The following NEBL variants were observed in gnomAD, a reference collection of about 807,000 sequenced individuals.
The protein encoded by NEBL is LIM and SH3 protein 2.
In NEBL, 122 loss-of-function variants were observed where a neutral mutation model predicts 140.2. The ratio of observed to expected loss-of-function variants is 0.87; its 90% CI spans 0.75 to 1.01. NEBL has a LOEUF of 1.01. Ranked by LOEUF, NEBL falls within the 50% of genes least tolerant of loss-of-function variation. The pLI, the probability that NEBL is intolerant of heterozygous loss-of-function variation, is 0.00. For synonymous variants in NEBL, 436 were observed against 398.9 expected (o/e 1.09, Z -1.11); for missense variants, 1,365 against 1,231.3 (o/e 1.11, Z -1.62).
chr10:21,267,033 G>A lies in NEBL; in HGVS notation n.183-15205C>T, dbSNP rs940711036. On this transcript the variant is annotated intron_variant and non_coding_transcript_variant, in intron 1 of 8. Coordinates refer to the NEBL transcript ENST00000675702. The stretch of plus-strand genomic sequence containing the variant: ...TCTGTCACTCAGACTGGAGTGCAAC[G>A]GCGCGATCTCGGCTCACTGCAACCT... Among the ~76,000 whole-genome samples the A allele has an allele frequency of 4.6e-5, 7 of 151,938 alleles. No homozygotes were observed. The East Asian group carries it at 5.8e-4, about 13-fold the overall frequency.
chr10:20,841,808 T>C (rs1262994933), intron 12 of NEBL, among the ~76,000 whole-genome samples: 1 of 152,132 alleles, frequency 6.6e-6, no homozygotes, highest in Non-Finnish European at 1.5e-5. Context: ...CTGTTTTCTC[T>C]ATTGGCTTTG....
In NEBL at chr10:20,823,376, A is replaced by G. The variant is rs964303112; in HGVS notation, c.1870-76T>C. On this transcript the variant is annotated intron_variant, in intron 18 of 27. Transcript: ENST00000377122. ...AAAATATTGAGAATTCTTCAATTGT[A>G]ACTATTGCATAATTGAATTTTATTA... The G allele has an allele frequency of 1.1e-5, 12 of 1,068,794 alleles. No individual in the cohort carries two copies. In the Middle Eastern group the frequency reaches 9.2e-4, roughly 82 times the overall value. 66.2% of individuals were successfully genotyped at this position (1,068,794 alleles called of 1,614,324 possible).
At chr10:21,096,226 G>A (rs1476109112) in intron 2 of NEBL, among the ~76,000 whole-genome samples, 5 of 152,048 alleles carry the variant, frequency 3.3e-5, no homozygotes, top group African/African-American at 4.8e-5. Flanking sequence ...TAGGATCCTC[G>A]TCCTTCCCTC....
intron 9 of NEBL, among the ~76,000 whole-genome samples, chr10:20,854,636 C>T (rs2131094541): frequency 7.3e-6 from 1 of 137,780 alleles, no homozygotes; most frequent in Admixed American, 8.0e-5. Context: ...GGGATCATGG[C>T]TCACTGCAGC....
Position 21,169,063 on chromosome 10 carries a change from AAAAAATATATATAT to A in NEBL, c.164+3306_164+3319del, listed in dbSNP as rs1414571389. 4.6e-3 allele frequency among the ~76,000 whole-genome samples: 164 copies of A among 35,306 alleles called. 3 individuals are homozygous for A. The highest frequency in any genetic ancestry group is 0.013 in the African/African-American group (149 of 11,474). The allele number at this position is 35,306 out of a possible 152,430, so 23.2% of individuals were successfully genotyped here. A position where few individuals can be genotyped will look rare whatever the true frequency, so the allele number is the denominator to read the frequency against. ...GACTCCGTCTACAAAAAAAAAAAAA[AAAAAATATATATAT>A]ATATATATATATATATATATATATA... On this transcript the variant is annotated intron_variant, in intron 2 of 6. Coordinates refer to the NEBL transcript ENST00000417816.
At chr10:21,040,192 C>A (rs549844589) in intron 2 of NEBL, among the ~76,000 whole-genome samples, 63 of 152,126 alleles carry the variant, frequency 4.1e-4, no homozygotes, top group African/African-American at 1.3e-3. Flanking sequence ...ATGATGAAAC[C>A]CCGTCTCTAC....
chr10:21,002,018 T>C (rs992934704), intron 3 of NEBL, among the ~76,000 whole-genome samples: 1 of 152,202 alleles, frequency 6.6e-6, no homozygotes, highest in Non-Finnish European at 1.5e-5. Flanking sequence ...TAAGGTGATT[T>C]GTTAGTTAGT....
At chr10:20,982,645 C>T (rs183304834) in intron 3 of NEBL, among the ~76,000 whole-genome samples, 10 of 152,272 alleles carry the variant, frequency 6.6e-5, no homozygotes, top group African/African-American at 2.4e-4. Flanking sequence ...AACTGACAAG[C>T]ATCTTACTTA....
intron 4 of NEBL, among the ~76,000 whole-genome samples, chr10:20,902,703 T>A (rs1393783430): frequency 1.3e-5 from 2 of 152,036 alleles, no homozygotes; most frequent in Admixed American, 6.5e-5. Context: ...GAGACATTAG[T>A]TCAGTTTTCA....
intron 2 of NEBL, among the ~76,000 whole-genome samples, chr10:21,074,720 C>T (rs376535051): frequency 6.6e-6 from 1 of 152,074 alleles, no homozygotes; most frequent in African/African-American, 2.4e-5. Flanking sequence ...CCTCATGATC[C>T]GCCTGCCTCG....
chr10:21,071,622 A>G (rs984254827), intron 2 of NEBL, among the ~76,000 whole-genome samples: 11 of 152,268 alleles, frequency 7.2e-5, no homozygotes, highest in Admixed American at 3.3e-4. Context: ...TTCTTTTTAA[A>G]TGTTCTCCAG....
chr10:21,240,947 A>AC (rs1341595507), intron 3 of NEBL, among the ~76,000 whole-genome samples: 19 of 121,196 alleles, frequency 1.6e-4, no homozygotes, highest in South Asian at 2.9e-4. Context: ...CACACACACA[A>AC]AACCAGTATC....
intron 3 of NEBL, among the ~76,000 whole-genome samples, chr10:20,967,229 T>G (rs191482449): frequency 6.6e-6 from 1 of 152,102 alleles, no homozygotes; most frequent in Admixed American, 6.5e-5. Flanking sequence ...CACATGAGAA[T>G]GAATAAATCC....
rs143595437 is a variant in NEBL at position 20,815,558 on chromosome 10, G to A, written c.2241+67C>T. 7.3e-5 allele frequency: 89 copies of A among 1,213,506 alleles called. No individual in the cohort carries two copies. In the African/African-American group the frequency reaches 1.3e-3, roughly 17 times the overall value. 75.2% of individuals were successfully genotyped at this position (1,213,506 alleles called of 1,614,324 possible). A position where few individuals can be genotyped will look rare whatever the true frequency, so the allele number is the denominator to read the frequency against. ...ATAAGTTTTATTTTCACAAGCAAAGGAGGACCGCAAGTAAATAATAAAAGA... is the reference window on the plus strand; with the variant it reads ...ATAAGTTTTATTTTCACAAGCAAAGAAGGACCGCAAGTAAATAATAAAAGA... On this transcript the variant is annotated intron_variant, in intron 22 of 27. Transcript: ENST00000377122.
chr10:21,288,818 G>GTATATCTATATATA (rs757155594), intron 1 of NEBL, among the ~76,000 whole-genome samples: 1 of 32,668 alleles, frequency 3.1e-5, no homozygotes, highest in Non-Finnish European at 5.3e-5. Flanking sequence ...ACGTGTGTGT[G>GTATATCTATATATA]TGTATATATA....
chr10:21,232,318 G>A (rs1487015954), intron 3 of NEBL, among the ~76,000 whole-genome samples: 1 of 152,126 alleles, frequency 6.6e-6, no homozygotes, highest in African/African-American at 2.4e-5. Flanking sequence ...AACCTTTTTG[G>A]CACCAGGGAC....
At chr10:21,076,444 C>CAAAAAAAAAAAAAAAAAAAA (rs56013237) in intron 2 of NEBL, among the ~76,000 whole-genome samples, 1 of 50,050 alleles carries the variant, frequency 2.0e-5, no homozygotes, top group Admixed American at 2.8e-4. Flanking sequence ...GACTCAGTTT[C>CAAAAAAAAAAAAAAAAAAAA]AAAAAAAAAA....
intron 12 of NEBL, among the ~76,000 whole-genome samples, chr10:20,844,786 T>C (rs1841749395): frequency 1.3e-5 from 2 of 152,204 alleles, no homozygotes; most frequent in South Asian, 2.1e-4. Context: ...ATTTCTGATA[T>C]CAAATGTCAA....
At chr10:21,224,655 G>C (rs1842120246) in intron 3 of NEBL, among the ~76,000 whole-genome samples, 1 of 152,038 alleles carries the variant, frequency 6.6e-6, no homozygotes, top group Non-Finnish European at 1.5e-5. Flanking sequence ...TCTTTCCACT[G>C]TTTTGTGTCC....
Sources: gnomAD v4.1 joint callset for allele counts (sites outside exome capture counted in the v4.1 genomes callset) on GRCh38, gnomAD v4.1.1 for gene constraint, MANE v1.5 for transcripts, NCBI Gene and HGNC (gene_info 2026-07-23, HGNC 2026-07-21) for gene names.